The following CACNA1E variants were observed in gnomAD, a reference collection of about 807,000 sequenced individuals.
CACNA1E encodes the protein voltage-dependent R-type calcium channel subunit alpha-1E.
A neutral mutation model predicts 259.2 loss-of-function variants in CACNA1E; 40 were observed. That is an observed-to-expected ratio of 0.15 (90% CI 0.12 to 0.20). The LOEUF (loss-of-function observed/expected upper bound fraction) is 0.20, where lower values mean the gene tolerates loss of function less well. CACNA1E is among the 10% of genes least tolerant of loss of function. The pLI, the probability that CACNA1E is intolerant of heterozygous loss-of-function variation, is 1.00. For synonymous variants in CACNA1E, 1,104 were observed against 1,138.5 expected (o/e 0.97, Z 0.61); for missense variants, 1,874 against 3,040.1 (o/e 0.62, Z 9.02).
At chr1:181,373,776 T>C (rs1404226464) in intron 1 of CACNA1E, among the ~76,000 whole-genome samples, 2 of 152,148 alleles carry the variant, frequency 1.3e-5, no homozygotes, top group Non-Finnish European at 2.9e-5. Flanking sequence ...CCGCCCGCCT[T>C]GGCCTCCCAA....
intron 1 of CACNA1E, among the ~76,000 whole-genome samples, chr1:181,393,122 T>C (rs1473547798): frequency 6.6e-6 from 1 of 152,238 alleles, no homozygotes; most frequent in Admixed American, 6.5e-5. Flanking sequence ...GTTGTTTACA[T>C]GTTCCACATG....
At chr1:181,356,926 A>T (rs189218632) in intron 1 of CACNA1E, among the ~76,000 whole-genome samples, 1 of 152,286 alleles carries the variant, frequency 6.6e-6, no homozygotes, top group Non-Finnish European at 1.5e-5. Context: ...TGGATTCTAA[A>T]TATAACCACG....
intron 1 of CACNA1E, among the ~76,000 whole-genome samples, chr1:181,326,968 G>A (rs1650842312): frequency 6.6e-6 from 1 of 152,142 alleles, no homozygotes; most frequent in East Asian, 1.9e-4. Flanking sequence ...TGCTCATCCT[G>A]ATTCCTCAAT....
chr1:181,775,612 G>A (rs1349163496), intron 37 of CACNA1E, among the ~76,000 whole-genome samples: 1 of 152,196 alleles, frequency 6.6e-6, no homozygotes, highest in Non-Finnish European at 1.5e-5. Context: ...TTTACCACCT[G>A]TTTTTGTATA....
At chr1:181,629,919 G>A (rs1416563276) in intron 6 of CACNA1E, among the ~76,000 whole-genome samples, 1 of 152,198 alleles carries the variant, frequency 6.6e-6, no homozygotes, top group Non-Finnish European at 1.5e-5. Flanking sequence ...CTACTTTAAT[G>A]AGTTTAGATC....
chr1:181,530,094 T>G (rs1667663154), intron 3 of CACNA1E, among the ~76,000 whole-genome samples: 1 of 152,214 alleles, frequency 6.6e-6, no homozygotes, highest in African/African-American at 2.4e-5. Flanking sequence ...GGGAGGTAAC[T>G]GAATCACGAG....
At chr1:181,345,161 A>G (rs1299141031) in intron 1 of CACNA1E, among the ~76,000 whole-genome samples, 1 of 152,230 alleles carries the variant, frequency 6.6e-6, no homozygotes, top group Non-Finnish European at 1.5e-5. Context: ...CTGCACACCT[A>G]GCTGGGCTCT....
chr1:181,598,457 C>A (rs1653421574), intron 6 of CACNA1E, among the ~76,000 whole-genome samples: 1 of 152,030 alleles, frequency 6.6e-6, no homozygotes, highest in Non-Finnish European at 1.5e-5. Context: ...GAGATCAGGA[C>A]CTGGGCAGAA....
chr1:181,467,684 T>C (rs1662236626), intron 2 of CACNA1E, among the ~76,000 whole-genome samples: 1 of 152,114 alleles, frequency 6.6e-6, no homozygotes, highest in African/African-American at 2.4e-5. Flanking sequence ...TGTGACTTAC[T>C]AGATATGAGG....
At chr1:181,344,369 A>G (rs1369817308) in intron 1 of CACNA1E, among the ~76,000 whole-genome samples, 1 of 152,206 alleles carries the variant, frequency 6.6e-6, no homozygotes, top group African/African-American at 2.4e-5. Flanking sequence ...TACTTCTACA[A>G]GGATCCTGTC....
Position 181,420,646 on chromosome 1 carries a change from G to A in CACNA1E, c.434+7066G>A, listed in dbSNP as rs147091137. Among the ~76,000 whole-genome samples the A allele has an allele frequency of 2.4e-3, 362 of 152,286 alleles. 2 individuals are homozygous for A. The highest frequency in any genetic ancestry group is 7.0e-3 in the African/African-American group (291 of 41,560). On this transcript the variant is annotated intron_variant, in intron 2 of 11. Coordinates refer to the CACNA1E transcript ENST00000524607. ...GATAATGACTGCCACCATTTATTGA[G>A]CACTGGCTATATGGTAGGTGATTTG...
intron 3 of CACNA1E, among the ~76,000 whole-genome samples, chr1:181,577,541 G>T (rs1572263035): frequency 6.6e-6 from 1 of 152,154 alleles, no homozygotes. Context: ...CTAGGGTTCT[G>T]GTATGATGAT....
chr1:181,617,408 G>A (rs1312584396), intron 6 of CACNA1E, among the ~76,000 whole-genome samples: 2 of 152,074 alleles, frequency 1.3e-5, no homozygotes, highest in Non-Finnish European at 2.9e-5. Context: ...GAGAGAATGA[G>A]CACTGAGGTC....
At chr1:181,456,014 C>T (rs1438768045) in intron 2 of CACNA1E, among the ~76,000 whole-genome samples, 1 of 152,008 alleles carries the variant, frequency 6.6e-6, no homozygotes, top group Non-Finnish European at 1.5e-5. Flanking sequence ...GGGAAGAGAG[C>T]CTGTTTGGAG....
intron 6 of CACNA1E, among the ~76,000 whole-genome samples, chr1:181,604,126 A>G (rs1654006550): frequency 6.6e-6 from 1 of 151,848 alleles, no homozygotes; most frequent in Non-Finnish European, 1.5e-5. Flanking sequence ...GTCTTTGTTG[A>G]CTCCATGAAT....
Position 181,702,821 on chromosome 1 carries a change from C to A in CACNA1E, c.1056-8133C>A, listed in dbSNP as rs569449933. Among the ~76,000 whole-genome samples the A allele has an allele frequency of 2.6e-5, 4 of 152,310 alleles. No individual in the cohort carries two copies. In the South Asian group the frequency reaches 6.2e-4, roughly 24 times the overall value. On this transcript the variant is annotated intron_variant, in intron 7 of 47. Transcript: ENST00000367573. ...GGCCACTCAACCAAATATTCCAGCT[C>A]CCCGACACCCAATACTTACTATACT...
chr1:181,427,459 A>G (rs1278502292), intron 2 of CACNA1E, among the ~76,000 whole-genome samples: 1 of 113,664 alleles, frequency 8.8e-6, no homozygotes, highest in South Asian at 3.2e-4. Context: ...CCTCATCCTA[A>G]CCCCTCCCAC....
At chr1:181,448,676 T>C (rs12566751) in intron 2 of CACNA1E, among the ~76,000 whole-genome samples, 66,317 of 152,156 alleles carry the variant, frequency 0.44, 16,093 homozygotes, top group African/African-American at 0.67. Context: ...AAAAGAGAGA[T>C]AACTGATAAA....
At position 181,641,580 on chromosome 1, in the gene CACNA1E, T is replaced by C. The variant is rs538123892; in HGVS notation, c.952-9758T>C. Among the ~76,000 whole-genome samples, 9 of 152,290 alleles carry C rather than the reference T, an allele frequency of 5.9e-5. No individual in the cohort carries two copies. In the South Asian group the frequency reaches 1.9e-3, roughly 32 times the overall value. ...ATCTCTATCCTTGCTCCTATCTTCA[T>C]TAAATGGCAGTGTTTGCAGGTCTGA... On this transcript the variant is annotated intron_variant, in intron 6 of 47. Transcript: ENST00000367573.
Sources: allele counts gnomAD v4.1 joint callset (sites outside exome capture counted in the v4.1 genomes callset), GRCh38; gene constraint gnomAD v4.1.1; transcripts MANE v1.5; gene names NCBI Gene and HGNC (gene_info 2026-07-23, HGNC 2026-07-21).